SRGAP2: variants seen among roughly 807,000 people sequenced by gnomAD.
SRGAP2 encodes SLIT-ROBO Rho GTPase activating protein 2.
Under a neutral mutation model 57.2 loss-of-function variants are expected in SRGAP2, and 15 were observed. The observed-to-expected ratio is 0.26, with a 90% CI of 0.18 to 0.40. The LOEUF is 0.40. SRGAP2 is among the 10% of genes least tolerant of loss of function. The pLI, the probability that SRGAP2 is intolerant of heterozygous loss-of-function variation, is 1.00. For missense variants in SRGAP2, 520 were observed against 669.6 expected, an observed-to-expected ratio of 0.78 and a Z score of 2.47; for synonymous variants, 249 against 248.0, an observed-to-expected ratio of 1.00 and a Z score of -0.04.
At chr1:206,401,300 C>G (rs1754497) in intron 7 of SRGAP2, 121 bp from the exon 8 acceptor site, 2 of 716,336 alleles carry the variant, frequency 2.8e-6, no homozygotes, top group Non-Finnish European at 5.2e-6. Flanking sequence ...AATGTCAGCC[C>G]TCTTTCTACT....
intron 13 of SRGAP2, among the ~76,000 whole-genome samples, chr1:206,424,669 A>G (rs566876482): frequency 6.6e-6 from 1 of 152,330 alleles, no homozygotes; most frequent in South Asian, 2.1e-4. Flanking sequence ...ATAAATTAAG[A>G]TAAAATAAAA....
rs564753121 is a variant in SRGAP2 at position 206,431,042 on chromosome 1, T to C, written c.1555+820T>C. Among the ~76,000 whole-genome samples the C allele has an allele frequency of 2.6e-5, 4 of 152,320 alleles. No homozygotes were observed. In the South Asian group the frequency reaches 8.3e-4, roughly 32 times the overall value. On this transcript the variant is annotated intron_variant, in intron 14 of 22. Transcript: ENST00000573034. ...ACCTTTCTGGAGCTAAGGAGGTAGA[T>C]AAAATATTGCTTGTCTAAATTCAGA...
intron 13 of SRGAP2, among the ~76,000 whole-genome samples, chr1:206,429,803 G>T (rs1661130003): frequency 6.6e-6 from 1 of 152,204 alleles, no homozygotes; most frequent in Admixed American, 6.5e-5. Context: ...GGTATTGGTG[G>T]ATTGAACTAG....
chr1:206,345,284 AT>A (rs1675536753), intron 4 of SRGAP2, among the ~76,000 whole-genome samples: 1 of 37,978 alleles, frequency 2.6e-5, no homozygotes, highest in Non-Finnish European at 4.0e-5. Context: ...TGTGAGATTT[AT>A]TCATACTGTT....
chr1:206,369,457 G>A (rs1338176259), intron 4 of SRGAP2, among the ~76,000 whole-genome samples: 3 of 151,812 alleles, frequency 2.0e-5, no homozygotes, highest in African/African-American at 4.8e-5. Flanking sequence ...TCAAGAAAAT[G>A]AAAAGACAGC....
intron 14 of SRGAP2, 134 bp from the exon 15 acceptor site, chr1:206,436,831 C>A: frequency 1.5e-6 from 1 of 678,378 alleles, no homozygotes. Flanking sequence ...ATGTTTTTCT[C>A]CTTTGGCCTA....
chr1:206,335,382 C>G (rs1183993488), intron 3 of SRGAP2, among the ~76,000 whole-genome samples: 2 of 152,246 alleles, frequency 1.3e-5, no homozygotes, highest in Non-Finnish European at 2.9e-5. Context: ...ATAGAGGGAG[C>G]TGGTGGGCAG....
chr1:206,453,553 C>T (rs1482766295), intron 20 of SRGAP2, 173 bp downstream of exon 20: 2 of 371,888 alleles, frequency 5.4e-6, no homozygotes, highest in African/African-American at 2.2e-5. Flanking sequence ...CGCCCCACTC[C>T]CTGCACTCAG....
At chr1:206,425,257 A>G (rs1316121073) in intron 13 of SRGAP2, among the ~76,000 whole-genome samples, 1 of 152,222 alleles carries the variant, frequency 6.6e-6, no homozygotes, top group Non-Finnish European at 1.5e-5. Context: ...TTAATACACA[A>G]TAATTGTACA....
Position 206,283,675 on chromosome 1 carries a change from C to CAAA in SRGAP2, c.68-19594_68-19592dup, listed in dbSNP as rs1240979603. ...TGGGCTTCCAAGTGAGACTCTGTCT[C>CAAA]AAAAAAAAAAAAAATGAACTTCTTT... On this transcript the variant is annotated intron_variant, in intron 2 of 22. Transcript: ENST00000573034. 4.1e-4 allele frequency among the ~76,000 whole-genome samples: 49 copies of CAAA among 120,406 alleles called. 1 individual carries two copies. The highest frequency in any genetic ancestry group is 1.4e-3 in the African/African-American group (47 of 32,476). 79.0% of individuals were successfully genotyped at this position (120,406 alleles called of 152,430 possible).
chr1:206,460,054 A>C (rs1664134765), intron 22 of SRGAP2, among the ~76,000 whole-genome samples: 2 of 152,212 alleles, frequency 1.3e-5, no homozygotes, highest in South Asian at 4.1e-4. Context: ...TAAAGGTTTG[A>C]GAATGTCATA....
At chr1:206,457,571 G>A (rs1483379977) in intron 21 of SRGAP2, among the ~76,000 whole-genome samples, 2 of 152,164 alleles carry the variant, frequency 1.3e-5, no homozygotes, top group African/African-American at 4.8e-5. Flanking sequence ...ACTCGAGAGC[G>A]GCTGAGTCAC....
At chr1:206,460,335 T>C (rs1193240193) in intron 22 of SRGAP2, among the ~76,000 whole-genome samples, 1 of 152,202 alleles carries the variant, frequency 6.6e-6, no homozygotes, top group Non-Finnish European at 1.5e-5. Flanking sequence ...TGCTGTTGGC[T>C]AAAGATCTAG....
chr1:206,463,429 C>T lies in SRGAP2; in HGVS notation c.*2009C>T, dbSNP rs1664382529. On this transcript the variant is annotated 3_prime_UTR_variant, in exon 23 of 23. Transcript: ENST00000573034. ...CTGTTTCCTTGCTGAAAATGAAACC[C>T]TATCTTTCACTTTACATTCCTTTCA... The T allele has an allele frequency of 6.6e-6, 1 of 152,572 alleles. No homozygotes were observed. Among genetic ancestry groups the T allele is most frequent in the Admixed American group, 6.6e-5 (1 of 15,264 alleles). 9.5% of individuals were successfully genotyped at this position (152,572 alleles called of 1,614,324 possible).
intron 13 of SRGAP2, among the ~76,000 whole-genome samples, chr1:206,428,187 C>G (rs1357775360): frequency 6.6e-6 from 1 of 152,076 alleles, no homozygotes; most frequent in African/African-American, 2.4e-5. Context: ...GAGGCCGAGA[C>G]AGGCGGATCA....
At chr1:206,377,132 G>A (rs1655277299) in intron 4 of SRGAP2, among the ~76,000 whole-genome samples, 1 of 152,110 alleles carries the variant, frequency 6.6e-6, no homozygotes, top group African/African-American at 2.4e-5. Context: ...AAGTTTTTCA[G>A]ATAATTAAAC....
chr1:206,239,126 CA>C (rs1668055182), intron 2 of SRGAP2, among the ~76,000 whole-genome samples: 1 of 149,484 alleles, frequency 6.7e-6, no homozygotes, highest in South Asian at 2.1e-4. Context: ...GCAATCTTTA[CA>C]AACCCACTCA....
At chr1:206,370,221 G>A (rs1357356944) in intron 4 of SRGAP2, among the ~76,000 whole-genome samples, 2 of 152,060 alleles carry the variant, frequency 1.3e-5, no homozygotes, top group South Asian at 2.1e-4. Flanking sequence ...AGCAGAGATC[G>A]CACCACTGCA....
At chr1:206,443,340 T>C (rs1662477431) in intron 17 of SRGAP2, among the ~76,000 whole-genome samples, 1 of 152,144 alleles carries the variant, frequency 6.6e-6, no homozygotes. Flanking sequence ...ATTTTAGGTA[T>C]TTCTTTGTTT....
Sources: allele counts gnomAD v4.1 joint callset (sites outside exome capture counted in the v4.1 genomes callset), GRCh38; gene constraint gnomAD v4.1.1; transcripts MANE v1.5; gene names NCBI Gene and HGNC (gene_info 2026-07-23, HGNC 2026-07-21).